Variants in RBL1 observed in about 807,000 individuals in gnomAD.
RBL1 encodes RB transcriptional corepressor like 1.
Under a neutral mutation model 123.0 loss-of-function variants are expected in RBL1, and 82 were observed. That is an observed-to-expected ratio of 0.67 (90% CI 0.56 to 0.80). The LOEUF is 0.80. Among genes scored for constraint, RBL1 ranks in the 30% least tolerant of loss-of-function variants. The probability of loss-of-function intolerance (pLI) is 0.00; values close to 1 mark genes in which losing one functional copy is unlikely to be tolerated. For synonymous variants in RBL1, 405 were observed against 441.3 expected, an observed-to-expected ratio of 0.92 and a Z score of 1.03; for missense variants, 1,171 against 1,299.6, an observed-to-expected ratio of 0.90 and a Z score of 1.52.
In RBL1 at chr20:37,016,272, C is replaced by T. The variant is rs186924530; in HGVS notation, c.2722+2007G>A. Among the ~76,000 whole-genome samples the T allele has an allele frequency of 1.5e-3, 225 of 152,186 alleles. 1 individual carries two copies. Among genetic ancestry groups the T allele is most frequent in the African/African-American group, 5.0e-3 (208 of 41,536 alleles). ...CGAACTCCTGACCTCAGATGATCCACCCACCTTGGCCTCCCAAAGTGCTGG... is the reference window on the plus strand; with the variant it reads ...CGAACTCCTGACCTCAGATGATCCATCCACCTTGGCCTCCCAAAGTGCTGG... On this transcript the variant is annotated intron_variant, in intron 19 of 21. Coordinates refer to ENST00000373664, the MANE Select transcript of RBL1 (RefSeq NM_002895.5).
In RBL1 at chr20:37,036,287, T is replaced by G. The variant is rs142831706; in HGVS notation, c.1904-779A>C. 2.3e-3 allele frequency among the ~76,000 whole-genome samples: 351 copies of G among 152,336 alleles called. 1 individual carries two copies. The highest frequency in any genetic ancestry group is 7.0e-3 in the African/African-American group (290 of 41,574). On this transcript the variant is annotated intron_variant, in intron 14 of 21. Coordinates refer to ENST00000373664, the MANE Select transcript of RBL1 (RefSeq NM_002895.5). ...TATGCTTTTAAAACAAAAGTATTTA[T>G]TTATTTATGAGATGGAGTCTTGCTC...
At chr20:37,087,808 A>C (rs1873798143) in intron 2 of RBL1, among the ~76,000 whole-genome samples, 1 of 152,220 alleles carries the variant, frequency 6.6e-6, no homozygotes. Flanking sequence ...CAACTAACAA[A>C]ACTAGAACAG....
chr20:37,037,527 T>C (rs574267421), intron 14 of RBL1, among the ~76,000 whole-genome samples: 1 of 152,308 alleles, frequency 6.6e-6, no homozygotes, highest in South Asian at 2.1e-4. Context: ...ATTTTTACTA[T>C]TTTTTCATTT....
At chr20:37,074,903 A>G (rs1487837449) in intron 2 of RBL1, among the ~76,000 whole-genome samples, 1 of 152,220 alleles carries the variant, frequency 6.6e-6, no homozygotes, top group African/African-American at 2.4e-5. Flanking sequence ...GAAAAAATAT[A>G]TGTCCACATA....
At chr20:37,079,178 C>T (rs894103621) in intron 2 of RBL1, among the ~76,000 whole-genome samples, 1 of 142,030 alleles carries the variant, frequency 7.0e-6, no homozygotes, top group Non-Finnish European at 1.5e-5. Context: ...CCAGCTGATG[C>T]CACAGAGTAA....
intron 19 of RBL1, among the ~76,000 whole-genome samples, chr20:37,017,651 T>TGTGTGTGTGA (rs1234219930): frequency 2.6e-5 from 4 of 151,176 alleles, no homozygotes; most frequent in African/African-American, 9.7e-5. Flanking sequence ...TGTGTGTGTG[T>TGTGTGTGTGA]GACAGAGTCT....
chr20:37,078,174 C>T (rs563656357), intron 2 of RBL1, among the ~76,000 whole-genome samples: 2 of 152,250 alleles, frequency 1.3e-5, no homozygotes, highest in Admixed American at 1.3e-4. Flanking sequence ...AGGATCATAT[C>T]CATTAGTCCC....
At chr20:37,060,007 T>A (rs911648553) in intron 9 of RBL1, among the ~76,000 whole-genome samples, 4 of 151,904 alleles carry the variant, frequency 2.6e-5, no homozygotes, top group Non-Finnish European at 1.5e-5. Context: ...ACCCTGTCTC[T>A]ACTAAAAATA....
intron 2 of RBL1, among the ~76,000 whole-genome samples, chr20:37,069,057 C>G (rs2065232824): frequency 6.6e-6 from 1 of 152,262 alleles, no homozygotes; most frequent in Non-Finnish European, 1.5e-5. Flanking sequence ...CCAGGCCGGT[C>G]TCCAGCCCCT....
intron 11 of RBL1, among the ~76,000 whole-genome samples, chr20:37,048,751 C>A (rs1019822004): frequency 2.0e-5 from 3 of 151,918 alleles, no homozygotes; most frequent in Non-Finnish European, 2.9e-5. Context: ...AAACCTCTTA[C>A]CTGAAAAACA....
At chr20:37,029,764 A>T (rs979019467) in intron 16 of RBL1, among the ~76,000 whole-genome samples, 7 of 152,212 alleles carry the variant, frequency 4.6e-5, no homozygotes, top group Admixed American at 4.6e-4. Flanking sequence ...CAATACAACA[A>T]CATCTCTTGT....
chr20:37,082,457 C>T (rs980355712), intron 2 of RBL1, among the ~76,000 whole-genome samples: 1 of 151,774 alleles, frequency 6.6e-6, no homozygotes, highest in African/African-American at 2.4e-5. Flanking sequence ...TATTTTACTC[C>T]ACCACCAACA....
At chr20:37,062,352 A>G in intron 7 of RBL1, 82 bp from the exon 8 acceptor site, 1 of 1,498,936 alleles carries the variant, frequency 6.7e-7, no homozygotes, top group Non-Finnish European at 8.9e-7. Flanking sequence ...TAGTGTTTAC[A>G]GCTTAGAAAA....
intron 19 of RBL1, among the ~76,000 whole-genome samples, chr20:37,018,036 T>G (rs2064284705): frequency 6.6e-6 from 1 of 152,214 alleles, no homozygotes; most frequent in Non-Finnish European, 1.5e-5. Flanking sequence ...TTTACGTGTT[T>G]CATTAACATG....
At position 37,083,193 on chromosome 20, in the gene RBL1, C is replaced by T. The variant is rs193104258; in HGVS notation, c.290+5796G>A. 2.6e-5 allele frequency among the ~76,000 whole-genome samples: 4 copies of T among 151,570 alleles called. No individual in the cohort carries two copies. In the South Asian group the frequency reaches 8.3e-4, roughly 32 times the overall value. On this transcript the variant is annotated intron_variant, in intron 2 of 21. Transcript: ENST00000373664. Reference sequence around the variant, plus strand: ...TAAAAACGTTTTGCGGAAGGCTGGGCGCGGTGGCTCATGCCTGTAATCTTA... The same window carrying T: ...TAAAAACGTTTTGCGGAAGGCTGGGTGCGGTGGCTCATGCCTGTAATCTTA...
intron 12 of RBL1, among the ~76,000 whole-genome samples, chr20:37,045,926 A>G (rs569338313): frequency 3.3e-5 from 5 of 152,288 alleles, no homozygotes; most frequent in Admixed American, 6.5e-5. Flanking sequence ...TAACTAAATC[A>G]TGCCAAGAAG....
chr20:36,999,036 T>A, intron 21 of RBL1, 107 bp from the exon 22 acceptor site: 1 of 1,046,804 alleles, frequency 9.6e-7, no homozygotes, highest in Non-Finnish European at 1.4e-6. Flanking sequence ...ATCCAAATCT[T>A]AACACTGGGA....
intron 11 of RBL1, among the ~76,000 whole-genome samples, chr20:37,052,157 C>T (rs1225151613): frequency 3.3e-5 from 5 of 151,538 alleles, no homozygotes; most frequent in Admixed American, 6.6e-5. Flanking sequence ...CTCAGCCTCC[C>T]GAGTAGCTGG....
At chr20:37,088,639 G>C (rs1295154908) in intron 2 of RBL1, among the ~76,000 whole-genome samples, 1 of 151,734 alleles carries the variant, frequency 6.6e-6, no homozygotes, top group Non-Finnish European at 1.5e-5. Flanking sequence ...TAGATCATTT[G>C]AGGTCAGGAG....
Sources: gnomAD v4.1 joint callset for allele counts (sites outside exome capture counted in the v4.1 genomes callset) on GRCh38, gnomAD v4.1.1 for gene constraint, MANE v1.5 for transcripts, NCBI Gene and HGNC (gene_info 2026-07-23, HGNC 2026-07-21) for gene names.